Variants in ELAVL4 observed in about 807,000 individuals in gnomAD.
The protein encoded by ELAVL4 is ELAV like RNA binding protein 4, also known as ELAV-like protein 4.
A neutral mutation model predicts 35.6 loss-of-function variants in ELAVL4; 1 was observed. That is an observed-to-expected ratio of 0.03 (90% CI 0.01 to 0.13). The LOEUF is 0.13. Among genes scored for constraint, ELAVL4 ranks in the 10% least tolerant of loss-of-function variants. The pLI, the probability that ELAVL4 is intolerant of heterozygous loss-of-function variation, is 1.00. For synonymous variants in ELAVL4, 156 were observed against 171.0 expected (o/e 0.91, Z 0.69); for missense variants, 267 against 464.9 (o/e 0.57, Z 3.91).
chr1:50,178,951 A>G (rs1416493788), intron 3 of ELAVL4, among the ~76,000 whole-genome samples: 1 of 140,852 alleles, frequency 7.1e-6, no homozygotes, highest in Non-Finnish European at 1.5e-5. Flanking sequence ...CAAATAATCA[A>G]CTTTCCATTT....
chr1:50,136,615 GC>G (rs1671928775), intron 1 of ELAVL4, among the ~76,000 whole-genome samples: 1 of 152,018 alleles, frequency 6.6e-6, no homozygotes, highest in Admixed American at 6.6e-5. Context: ...TAAAATACAT[GC>G]ATGAGTCTCA....
intron 2 of ELAVL4, among the ~76,000 whole-genome samples, chr1:50,161,263 C>A (rs1676757415): frequency 6.6e-6 from 1 of 151,962 alleles, no homozygotes; most frequent in Non-Finnish European, 1.5e-5. Context: ...TTTTTTCAAC[C>A]CTTGTTAAAA....
chr1:50,048,111 C>T, exon 1 of ELAVL4: 1 of 1,468,640 alleles, frequency 6.8e-7, no homozygotes. Context: ...CCGCCCGCCG[C>T]GCTCCGCCCC....
rs1250740591 is a variant in ELAVL4 at position 50,176,542 on chromosome 1, G to A, written c.251-547G>A. 3.9e-5 allele frequency among the ~76,000 whole-genome samples: 6 copies of A among 152,288 alleles called. No homozygotes were observed. The South Asian group carries it at 6.2e-4, about 16-fold the overall frequency. On this transcript the variant is annotated intron_variant, in intron 2 of 6. Coordinates refer to ENST00000371824, the MANE Select transcript of ELAVL4 (RefSeq NM_001144774.3). ...CCTGAGCAGAGCATAGCTGTCTTTT[G>A]TTGAGCACCTACTCCAATCTAGACA...
At chr1:50,087,455 T>C (rs1042775866) in intron 1 of ELAVL4, among the ~76,000 whole-genome samples, 1 of 152,214 alleles carries the variant, frequency 6.6e-6, no homozygotes, top group Non-Finnish European at 1.5e-5. Flanking sequence ...TTCTAGATTG[T>C]AATTTTTTAA....
chr1:50,073,893 T>G (rs1355361095), intron 1 of ELAVL4, among the ~76,000 whole-genome samples: 2 of 152,222 alleles, frequency 1.3e-5, no homozygotes. Context: ...GACTTTCAGA[T>G]AAGAATCCTA....
intron 1 of ELAVL4, among the ~76,000 whole-genome samples, chr1:50,090,738 T>C (rs866951640): frequency 1.3e-5 from 2 of 152,092 alleles, no homozygotes; most frequent in Non-Finnish European, 2.9e-5. Context: ...TGGCACATCA[T>C]AGAGAAATTG....
At position 50,096,002 on chromosome 1, in the gene ELAVL4, A is replaced by G. The variant is rs79226445; in HGVS notation, c.18+47820A>G. ...TTGGTAGAGCTTTCTCACAACAGAA[A>G]AAAATGATTTTGTGGAAAGGTGGAT... On this transcript the variant is annotated intron_variant, in intron 1 of 6. Transcript: ENST00000448907. Among the ~76,000 whole-genome samples, 1,222 of 152,286 alleles carry G rather than the reference A, an allele frequency of 8.0e-3. 7 individuals carry two copies. The highest frequency in any genetic ancestry group is 0.031 in the Middle Eastern group (9 of 294).
chr1:50,048,107 G>C lies in ELAVL4; in HGVS notation c.-58G>C. 3 of 1,461,100 alleles carry C rather than the reference G, an allele frequency of 2.1e-6. 1 individual carries two copies. In the South Asian group the frequency reaches 4.0e-5, roughly 20 times the overall value. 90.5% of individuals were successfully genotyped at this position (1,461,100 alleles called of 1,614,324 possible). A position where few individuals can be genotyped will look rare whatever the true frequency, so the allele number is the denominator to read the frequency against. Reference sequence around the variant, plus strand: ...AGACTCTGCGGACGTCTTCCCGCCCGCCGCGCTCCGCCCCACCCAGCCTCC... The same window carrying C: ...AGACTCTGCGGACGTCTTCCCGCCCCCCGCGCTCCGCCCCACCCAGCCTCC... On this transcript the variant is annotated 5_prime_UTR_variant, in exon 1 of 7. Coordinates refer to the ELAVL4 transcript ENST00000448907.
At chr1:50,153,997 T>C (rs1675271691) in intron 2 of ELAVL4, among the ~76,000 whole-genome samples, 1 of 152,186 alleles carries the variant, frequency 6.6e-6, no homozygotes, top group Non-Finnish European at 1.5e-5. Flanking sequence ...AGAAAATAAA[T>C]TTCTGTTGTT....
chr1:50,070,672 C>T (rs1183549318), intron 1 of ELAVL4, among the ~76,000 whole-genome samples: 2 of 134,036 alleles, frequency 1.5e-5, no homozygotes, highest in East Asian at 2.6e-4. Context: ...ACCCAGGAGG[C>T]GGAGGTTGCA....
At chr1:50,138,139 G>C (rs1488313195) in intron 1 of ELAVL4, among the ~76,000 whole-genome samples, 1 of 152,182 alleles carries the variant, frequency 6.6e-6, no homozygotes, top group Non-Finnish European at 1.5e-5. Context: ...ACCTTGGTGT[G>C]AGGTAGGTAG....
intron 2 of ELAVL4, among the ~76,000 whole-genome samples, chr1:50,151,941 A>T (rs757744051): frequency 1.3e-4 from 20 of 152,114 alleles, no homozygotes; most frequent in Non-Finnish European, 2.6e-4. Context: ...ATTAAGGGGA[A>T]CTTGAAGAAC....
chr1:50,177,178 A>G lies in ELAVL4; in HGVS notation c.340A>G (p.Thr114Ala). 6.2e-7 allele frequency: 1 copy of G among 1,613,758 alleles called. No homozygotes were observed. Among genetic ancestry groups the G allele is most frequent in the Non-Finnish European group, 8.5e-7 (1 of 1,179,708 alleles). ...CACTTTAAATGGACTCAGACTCCAG[A>G]CCAAAACCATAAAGGTAAGAGGTGA... ...INTLNGLRLQ[T>A]KTIKVSYARP... Residue 114 changes from threonine (T) to alanine (A), a missense_variant, in exon 3 of 7, where the codon ACC becomes GCC. Physicochemically the swap from Thr to Ala is moderately conservative, Grantham distance 58. Coordinates refer to ENST00000371824, the MANE Select transcript of ELAVL4 (RefSeq NM_001144774.3).
chr1:50,055,700 G>A (rs1294307639), intron 1 of ELAVL4, among the ~76,000 whole-genome samples: 2 of 151,918 alleles, frequency 1.3e-5, no homozygotes, highest in South Asian at 2.1e-4. Flanking sequence ...GGCCAGGCAC[G>A]GTGCCTCACG....
upstream of ELAVL4, among the ~76,000 whole-genome samples, chr1:50,099,959 T>C (rs1028394090): frequency 5.3e-5 from 8 of 152,236 alleles, no homozygotes; most frequent in Non-Finnish European, 7.3e-5. Context: ...AGACATTATT[T>C]TGAATGTTAG....
At chr1:50,184,246 T>C (rs753404714) in intron 3 of ELAVL4, among the ~76,000 whole-genome samples, 1 of 152,174 alleles carries the variant, frequency 6.6e-6, no homozygotes, top group Non-Finnish European at 1.5e-5. Flanking sequence ...ATCTTGAAGT[T>C]CATTCATAGT....
chr1:50,181,007 A>G (rs1306343001), intron 3 of ELAVL4: 1 of 152,160 alleles, frequency 6.6e-6, no homozygotes, highest in Non-Finnish European at 1.5e-5. Context: ...CTAATTCTTA[A>G]AATAGCCCTG....
intron 1 of ELAVL4, among the ~76,000 whole-genome samples, chr1:50,112,339 A>T (rs1374860992): frequency 6.6e-6 from 1 of 152,120 alleles, no homozygotes; most frequent in South Asian, 2.1e-4. Flanking sequence ...AATTTCTGTA[A>T]GAAGTGTCAT....
Sources: allele counts gnomAD v4.1 joint callset (sites outside exome capture counted in the v4.1 genomes callset), GRCh38; gene constraint gnomAD v4.1.1; transcripts MANE v1.5; gene names NCBI Gene and HGNC (gene_info 2026-07-23, HGNC 2026-07-21).